Variants in PDE1A observed in about 807,000 individuals in gnomAD.
PDE1A encodes the protein dual specificity calcium/calmodulin-dependent 3',5'-cyclic nucleotide phosphodiesterase 1A.
A neutral mutation model predicts 61.7 loss-of-function variants in PDE1A; 35 were observed. The ratio of observed to expected loss-of-function variants is 0.57; its 90% CI spans 0.43 to 0.75. The LOEUF is 0.75. Ranked by LOEUF, PDE1A falls within the 30% of genes least tolerant of loss-of-function variation. PDE1A has a pLI of 0.00. For missense variants in PDE1A, 597 were observed against 630.6 expected, an observed-to-expected ratio of 0.95 and a Z score of 0.57; for synonymous variants, 232 against 213.2, an observed-to-expected ratio of 1.09 and a Z score of -0.77.
At chr2:182,325,419 G>T (rs1198765222) in intron 1 of PDE1A, among the ~76,000 whole-genome samples, 8 of 151,938 alleles carry the variant, frequency 5.3e-5, no homozygotes, top group Non-Finnish European at 7.4e-5. Context: ...ACAATTATTG[G>T]ATATGACACC....
intron 2 of PDE1A, among the ~76,000 whole-genome samples, chr2:182,522,079 C>T (rs1690602397): frequency 6.6e-6 from 1 of 152,064 alleles, no homozygotes; most frequent in African/African-American, 2.4e-5. Context: ...CCAGAAGTTA[C>T]CTTACTTTAA....
At chr2:182,206,490 G>C (rs1687113645) in intron 7 of PDE1A, among the ~76,000 whole-genome samples, 2 of 152,150 alleles carry the variant, frequency 1.3e-5, no homozygotes, top group Admixed American at 1.3e-4. Context: ...ATAATGACAT[G>C]TATCTACTAT....
the PDE1A span, among the ~76,000 whole-genome samples, chr2:182,603,137 C>T: frequency 3.9e-5 from 6 of 152,262 alleles, no homozygotes; most frequent in African/African-American, 1.4e-4. Flanking sequence ...GAACCCAGTT[C>T]ATAGAATGAC....
chr2:182,256,968 G>T (rs768697819), intron 2 of PDE1A, among the ~76,000 whole-genome samples: 1 of 152,146 alleles, frequency 6.6e-6, no homozygotes, highest in Non-Finnish European at 1.5e-5. Context: ...TCTTCTGGCT[G>T]GTAGCTTTTT....
intron 10 of PDE1A, among the ~76,000 whole-genome samples, chr2:182,200,879 TG>T (rs1168010635): frequency 2.6e-5 from 4 of 152,262 alleles, no homozygotes; most frequent in African/African-American, 9.6e-5. Flanking sequence ...GCTTGGATTG[TG>T]GGGGTTGCAA....
chr2:182,423,568 T>C (rs1703414330), intron 1 of PDE1A, among the ~76,000 whole-genome samples: 2 of 152,142 alleles, frequency 1.3e-5, no homozygotes, highest in Non-Finnish European at 1.5e-5. Flanking sequence ...GAAAATTAAA[T>C]TGGAAAAAAA....
intron 2 of PDE1A, among the ~76,000 whole-genome samples, chr2:182,472,916 A>G (rs62190681): frequency 0.16 from 24,579 of 150,074 alleles, 2,464 homozygotes; most frequent in Middle Eastern, 0.31. Context: ...CCAGACTCAT[A>G]CATAAGCTTT....
chr2:182,525,420 T>A (rs541482452), upstream of PDE1A, among the ~76,000 whole-genome samples: 2 of 152,284 alleles, frequency 1.3e-5, no homozygotes, highest in South Asian at 4.1e-4. Context: ...GGTTTTCGTA[T>A]TAAGGTTATA....
chr2:182,488,368 T>C (rs1420389917), intron 2 of PDE1A, among the ~76,000 whole-genome samples: 1 of 152,144 alleles, frequency 6.6e-6, no homozygotes, highest in Non-Finnish European at 1.5e-5. Flanking sequence ...CTGAATACAC[T>C]GACTCAAGAT....
At chr2:182,707,805 TAC>T in the PDE1A span, among the ~76,000 whole-genome samples, 8 of 152,214 alleles carry the variant, frequency 5.3e-5, no homozygotes, top group Admixed American at 1.3e-4. Context: ...ATATCAAAAG[TAC>T]AGTCTAGGTA....
chr2:182,296,041 CA>C (rs1431163317), intron 1 of PDE1A, among the ~76,000 whole-genome samples: 18 of 152,194 alleles, frequency 1.2e-4, no homozygotes, highest in African/African-American at 3.6e-4. Context: ...ATATTTTAAG[CA>C]AGGTAATGCT....
intron 2 of PDE1A, among the ~76,000 whole-genome samples, chr2:182,515,954 CTGTG>C (rs201729102): frequency 0.075 from 9,731 of 130,440 alleles, 380 homozygotes; most frequent in Middle Eastern, 0.11. Context: ...GTGTGTGTTT[CTGTG>C]TGTGTGTGTG....
chr2:182,184,460 A>T (rs953483013), intron 13 of PDE1A, among the ~76,000 whole-genome samples: 5 of 152,170 alleles, frequency 3.3e-5, no homozygotes, highest in Non-Finnish European at 5.9e-5. Context: ...AAAAAAAATC[A>T]TTCAACAATT....
the PDE1A span, among the ~76,000 whole-genome samples, chr2:182,714,534 T>C: frequency 1.2e-4 from 19 of 152,108 alleles, no homozygotes; most frequent in African/African-American, 4.6e-4. Flanking sequence ...AATCTTTCCT[T>C]TATCTCCCAT....
At chr2:182,579,904 A>G in the PDE1A span, among the ~76,000 whole-genome samples, 5 of 152,092 alleles carry the variant, frequency 3.3e-5, no homozygotes, top group African/African-American at 1.2e-4. Flanking sequence ...TGTCTAGCTA[A>G]CTCTTCTTGT....
chr2:182,440,474 T>C (rs1431781631), intron 2 of PDE1A, among the ~76,000 whole-genome samples: 1 of 152,106 alleles, frequency 6.6e-6, no homozygotes, highest in Non-Finnish European at 1.5e-5. Context: ...CTGTCTATTC[T>C]TCCTGACTAT....
chr2:182,430,970 G>T (rs150378578), upstream of PDE1A, among the ~76,000 whole-genome samples: 6 of 124,516 alleles, frequency 4.8e-5, 1 homozygote, highest in East Asian at 2.8e-4. Context: ...GGTCGGGGAG[G>T]GGGGAGGGAT....
At chr2:182,507,231 T>TA (rs1304081045) in intron 2 of PDE1A, among the ~76,000 whole-genome samples, 1 of 152,142 alleles carries the variant, frequency 6.6e-6, no homozygotes, top group Non-Finnish European at 1.5e-5. Flanking sequence ...ACCAGAGACT[T>TA]ATGTGAAAAA....
At chr2:182,428,916 T>C (rs555585124), upstream of PDE1A, among the ~76,000 whole-genome samples, 1 of 152,116 alleles carries the variant, frequency 6.6e-6, no homozygotes, top group Non-Finnish European at 1.5e-5. Context: ...ACATAAATAC[T>C]AATAAACATC....
Sources: gnomAD v4.1 joint callset for allele counts (sites outside exome capture counted in the v4.1 genomes callset) on GRCh38, gnomAD v4.1.1 for gene constraint, MANE v1.5 for transcripts, NCBI Gene and HGNC (gene_info 2026-07-23, HGNC 2026-07-21) for gene names.